CHSY3: variants seen among roughly 807,000 people sequenced by gnomAD.
CHSY3 encodes the protein N-acetylgalactosaminyl-proteoglycan 3-beta-glucuronosyltransferase 3.
In CHSY3, 35 loss-of-function variants were observed where a neutral mutation model predicts 67.2. The ratio of observed to expected loss-of-function variants is 0.52; its 90% CI spans 0.40 to 0.69. CHSY3 has a LOEUF of 0.69. Among genes scored for constraint, CHSY3 ranks in the 30% least tolerant of loss-of-function variants. The pLI is 0.00. For missense variants in CHSY3, 1,069 were observed against 1,138.5 expected (o/e 0.94, Z 0.88); for synonymous variants, 474 against 434.7 (o/e 1.09, Z -1.12).
intron 2 of CHSY3, among the ~76,000 whole-genome samples, chr5:129,939,997 A>AT (rs1761648247): frequency 6.6e-6 from 1 of 152,172 alleles, no homozygotes; most frequent in African/African-American, 2.4e-5. Flanking sequence ...ATTATATTAG[A>AT]TTTTAAGAGT....
intron 2 of CHSY3, chr5:130,001,539 A>T (rs1482582124): frequency 6.5e-6 from 6 of 922,104 alleles, no homozygotes; most frequent in Admixed American, 6.2e-5. Context: ...GATACGCAGG[A>T]CCCCATGGAG....
At chr5:130,020,422 AATATATAT>A (rs1174657766) in intron 2 of CHSY3, among the ~76,000 whole-genome samples, 27 of 33,338 alleles carry the variant, frequency 8.1e-4, no homozygotes, top group African/African-American at 2.2e-3. Context: ...TTCATCTCAA[AATATATAT>A]ATATATATAT....
At chr5:130,044,022 T>C (rs1005065225) in intron 2 of CHSY3, among the ~76,000 whole-genome samples, 5 of 151,758 alleles carry the variant, frequency 3.3e-5, no homozygotes, top group African/African-American at 1.2e-4. Flanking sequence ...CCGAATGGAG[T>C]CTGAAGCTCA....
At chr5:130,092,784 C>A (rs1296222449) in intron 2 of CHSY3, among the ~76,000 whole-genome samples, 1 of 152,130 alleles carries the variant, frequency 6.6e-6, no homozygotes, top group Non-Finnish European at 1.5e-5. Flanking sequence ...ATATCCATCT[C>A]CCTGACCAAC....
At chr5:130,129,476 A>G (rs1205060419) in intron 2 of CHSY3, among the ~76,000 whole-genome samples, 2 of 152,264 alleles carry the variant, frequency 1.3e-5, no homozygotes, top group East Asian at 1.9e-4. Flanking sequence ...TTTATAACAC[A>G]CAAGACATTT....
intron 2 of CHSY3, among the ~76,000 whole-genome samples, chr5:129,988,344 T>C (rs1474275405): frequency 6.6e-6 from 1 of 152,204 alleles, no homozygotes; most frequent in Non-Finnish European, 1.5e-5. Flanking sequence ...AAGTTATTAA[T>C]GTTTTCTTCT....
In CHSY3 at chr5:129,904,865, G is replaced by A; in HGVS notation, c.36G>A (p.Val12=). Reference sequence around the variant, plus strand: ...GCTCTCGCCGCCCGTGGATGAGCGTGGCATTAGGGCTGGTGCTGGGCTTCA... The same window carrying A: ...GCTCTCGCCGCCCGTGGATGAGCGTAGCATTAGGGCTGGTGCTGGGCTTCA... ...AVRSRRPWMS[V]ALGLVLGFTA... Residue 12 remains valine (V), a synonymous_variant, in exon 1 of 3, where the codon GTG becomes GTA. Transcript: ENST00000305031. 1 of 1,474,266 alleles carries A rather than the reference G, an allele frequency of 6.8e-7. No individual in the cohort carries two copies. Among genetic ancestry groups the A allele is most frequent in the Non-Finnish European group, 9.0e-7 (1 of 1,108,546 alleles). 91.3% of individuals were successfully genotyped at this position (1,474,266 alleles called of 1,614,324 possible). A position where few individuals can be genotyped will look rare whatever the true frequency, so the allele number is the denominator to read the frequency against.
intron 2 of CHSY3, among the ~76,000 whole-genome samples, chr5:129,996,696 T>C (rs1763549435): frequency 6.6e-6 from 1 of 152,126 alleles, no homozygotes; most frequent in African/African-American, 2.4e-5. Context: ...GGAGATCTTA[T>C]TATCTTTATG....
intron 2 of CHSY3, among the ~76,000 whole-genome samples, chr5:129,968,100 A>G (rs1762518325): frequency 6.6e-6 from 1 of 151,858 alleles, no homozygotes. Flanking sequence ...CAATCCTCAT[A>G]CCTATCTTTA....
rs750861020 is a variant in CHSY3 at position 129,908,097 on chromosome 5, C to T, written c.823C>T (p.Leu275Phe). 1 of 1,612,854 alleles carries T rather than the reference C, an allele frequency of 6.2e-7. No homozygotes were observed. Among genetic ancestry groups the T allele is most frequent in the Non-Finnish European group, 8.5e-7 (1 of 1,179,546 alleles). ...TGTAGGTGATAAATTAGAAGAGTTT[C>T]TTAGATCGCTAAACAGCAGTAAGCC... ...YIKGDKLEEFLRSLNSSKPLY... is the reference protein window; with the variant it reads ...YIKGDKLEEFFRSLNSSKPLY... Residue 275 changes from leucine (L) to phenylalanine (F), a missense_variant, in exon 2 of 3, where the codon CTT becomes TTT. By Grantham distance (22) the Leu-to-Phe change is conservative (BLOSUM62 0). This residue lies in a region of CHSY3 where 216 missense variants were observed against 311.5 expected (regional missense o/e 0.69). Coordinates refer to ENST00000305031, the MANE Select transcript of CHSY3 (RefSeq NM_175856.5).
At chr5:129,958,188 T>G (rs1008679179) in intron 2 of CHSY3, among the ~76,000 whole-genome samples, 38 of 152,186 alleles carry the variant, frequency 2.5e-4, no homozygotes, top group African/African-American at 8.7e-4. Context: ...GTTTGACTTT[T>G]CTTTGCTATC....
At chr5:129,979,939 T>A (rs1441793199) in intron 2 of CHSY3, among the ~76,000 whole-genome samples, 1 of 152,230 alleles carries the variant, frequency 6.6e-6, no homozygotes, top group African/African-American at 2.4e-5. Context: ...TCATTTCTTT[T>A]AATGATAGAT....
At chr5:130,132,284 AG>A (rs1219105186) in intron 2 of CHSY3, among the ~76,000 whole-genome samples, 1 of 152,184 alleles carries the variant, frequency 6.6e-6, no homozygotes, top group African/African-American at 2.4e-5. Flanking sequence ...TCTCTGAAAA[AG>A]CATGGTTATT....
At chr5:129,926,782 C>T (rs244740) in intron 2 of CHSY3, among the ~76,000 whole-genome samples, 88,754 of 151,476 alleles carry the variant, frequency 0.59, 26,224 homozygotes, top group African/African-American at 0.67. Context: ...TGTGTTTTTT[C>T]CATTGGTTAT....
chr5:130,081,551 TCC>T (rs1348612029), intron 2 of CHSY3, among the ~76,000 whole-genome samples: 1 of 152,034 alleles, frequency 6.6e-6, no homozygotes, highest in Non-Finnish European at 1.5e-5. Context: ...CCCACCCAAA[TCC>T]ACTCCTGAAT....
chr5:130,118,613 C>T (rs1461804284), intron 2 of CHSY3, among the ~76,000 whole-genome samples: 1 of 152,064 alleles, frequency 6.6e-6, no homozygotes, highest in Non-Finnish European at 1.5e-5. Context: ...TAAACTGGAA[C>T]ATCTGCTGTC....
intron 2 of CHSY3, among the ~76,000 whole-genome samples, chr5:130,103,517 A>C (rs1767316435): frequency 6.6e-6 from 1 of 151,844 alleles, no homozygotes; most frequent in Admixed American, 6.6e-5. Flanking sequence ...TGTTCCATTC[A>C]AGTTTCATCT....
intron 2 of CHSY3, among the ~76,000 whole-genome samples, chr5:130,028,527 A>G (rs558229687): frequency 1.3e-5 from 2 of 152,314 alleles, no homozygotes; most frequent in South Asian, 2.1e-4. Flanking sequence ...ATTATGAACT[A>G]TTATTACAAT....
At chr5:130,082,852 A>G (rs1475660115) in intron 2 of CHSY3, among the ~76,000 whole-genome samples, 1 of 151,716 alleles carries the variant, frequency 6.6e-6, no homozygotes, top group Non-Finnish European at 1.5e-5. Flanking sequence ...GGAGCACTAT[A>G]TATATGTGTG....
Sources: allele counts gnomAD v4.1 joint callset (sites outside exome capture counted in the v4.1 genomes callset), GRCh38; gene constraint gnomAD v4.1.1; regional missense constraint gnomAD v4.1.1; transcripts MANE v1.5; gene names NCBI Gene and HGNC (gene_info 2026-07-23, HGNC 2026-07-21).